GSE1: variants seen among roughly 807,000 people sequenced by gnomAD.
GSE1 encodes Gse1 coiled-coil protein.
Under a neutral mutation model 112.6 loss-of-function variants are expected in GSE1, and 32 were observed. The observed-to-expected ratio is 0.28, with a 90% CI of 0.21 to 0.38. The LOEUF (loss-of-function observed/expected upper bound fraction) is 0.38, where lower values mean the gene tolerates loss of function less well. Ranked by LOEUF, GSE1 falls within the 10% of genes least tolerant of loss-of-function variation. The pLI, the probability that GSE1 is intolerant of heterozygous loss-of-function variation, is 1.00. For missense variants in GSE1, 2,348 were observed against 1,699.2 expected (o/e 1.38, Z -6.71); for synonymous variants, 1,115 against 735.6 (o/e 1.52, Z -8.35).
chr16:85,519,916 T>G lies in GSE1; in HGVS notation c.2465-113998T>G, dbSNP rs572482639. 7.6e-4 allele frequency among the ~76,000 whole-genome samples: 115 copies of G among 152,302 alleles called. 1 individual carries two copies. The highest frequency in any genetic ancestry group is 2.5e-3 in the African/African-American group (106 of 41,582). On this transcript the variant is annotated intron_variant, in intron 2 of 2. Transcript: ENST00000637419. ...GGGGGTAAGGAGAAGGAAGGCACCT[T>G]TCTCTCATGCCCTCTATACTTGGGA... is the stretch of plus-strand genomic sequence containing the variant.
intron 2 of GSE1, among the ~76,000 whole-genome samples, chr16:85,363,389 G>T (rs2047123148): frequency 6.6e-6 from 1 of 152,202 alleles, no homozygotes; most frequent in African/African-American, 2.4e-5. Flanking sequence ...GAGATCCCTT[G>T]TTCTCAGCAG....
chr16:85,517,632 G>A (rs961023431), intron 2 of GSE1, among the ~76,000 whole-genome samples: 3 of 151,950 alleles, frequency 2.0e-5, no homozygotes, highest in African/African-American at 4.8e-5. Flanking sequence ...CTCAGCATTC[G>A]CCACCACCTC....
At chr16:85,369,956 G>T (rs983307277) in intron 2 of GSE1, among the ~76,000 whole-genome samples, 2 of 152,226 alleles carry the variant, frequency 1.3e-5, no homozygotes, top group Non-Finnish European at 2.9e-5. Context: ...CCCCGGGTCA[G>T]TCCCCTCCTT....
intron 2 of GSE1, among the ~76,000 whole-genome samples, chr16:85,468,975 C>T (rs1354568284): frequency 6.6e-6 from 1 of 152,174 alleles, no homozygotes; most frequent in Non-Finnish European, 1.5e-5. Context: ...GGGCCAGAGG[C>T]TGGGCGTGGT....
At chr16:85,386,630 C>G (rs1409936094) in intron 2 of GSE1, among the ~76,000 whole-genome samples, 6 of 152,212 alleles carry the variant, frequency 3.9e-5, no homozygotes, top group Non-Finnish European at 8.8e-5. Context: ...GCTAAACCCT[C>G]TCTGGGCCTC....
intron 3 of GSE1, among the ~76,000 whole-genome samples, chr16:85,649,812 C>T (rs953381413): frequency 6.6e-6 from 1 of 152,132 alleles, no homozygotes; most frequent in African/African-American, 2.4e-5. Flanking sequence ...GCCTGAAGCT[C>T]CCTCTCCCCC....
intron 2 of GSE1, among the ~76,000 whole-genome samples, chr16:85,519,168 G>A (rs983572242): frequency 1.7e-4 from 25 of 148,050 alleles, no homozygotes; most frequent in African/African-American, 5.7e-4. Context: ...TAGGTTCTAG[G>A]TATTTGTAAA....
intron 2 of GSE1, among the ~76,000 whole-genome samples, chr16:85,375,738 C>CT (rs765495620): frequency 4.7e-5 from 3 of 64,480 alleles, no homozygotes; most frequent in African/African-American, 1.5e-4. Context: ...CCACACAGGC[C>CT]TGCCTGTCTC....
chr16:85,460,811 G>A (rs1443166125), intron 2 of GSE1, among the ~76,000 whole-genome samples: 15 of 151,230 alleles, frequency 9.9e-5, no homozygotes, highest in Non-Finnish European at 2.1e-4. Context: ...AGAAGGAGCT[G>A]AGGAAGCCAG....
At chr16:85,429,979 G>A (rs1179726328) in intron 2 of GSE1, among the ~76,000 whole-genome samples, 1 of 152,226 alleles carries the variant, frequency 6.6e-6, no homozygotes, top group Admixed American at 6.5e-5. Flanking sequence ...GCATTCTGCG[G>A]GGGCTCGGTA....
chr16:85,639,264 G>A (rs934519316), intron 2 of GSE1, among the ~76,000 whole-genome samples: 1 of 152,220 alleles, frequency 6.6e-6, no homozygotes, highest in Non-Finnish European at 1.5e-5. Flanking sequence ...TCCTCGGGTG[G>A]CACCGGGTCC....
At chr16:85,637,141 CT>C (rs1457154202) in intron 2 of GSE1, among the ~76,000 whole-genome samples, 1 of 152,252 alleles carries the variant, frequency 6.6e-6, no homozygotes, top group Non-Finnish European at 1.5e-5. Context: ...TGGGTCACCC[CT>C]AAGAGAACCT....
chr16:85,254,019 C>A (rs891793649), intron 1 of GSE1, among the ~76,000 whole-genome samples: 40 of 152,178 alleles, frequency 2.6e-4, no homozygotes, highest in Non-Finnish European at 3.4e-4. Context: ...AAAATAGAGG[C>A]CGAATTCCCA....
chr16:85,650,329 A>G (rs758463552), intron 3 of GSE1, among the ~76,000 whole-genome samples: 4 of 152,012 alleles, frequency 2.6e-5, no homozygotes, highest in Admixed American at 1.3e-4. Flanking sequence ...CCCGACTCAA[A>G]CAGCTGAGGC....
At chr16:85,263,209 A>G (rs925727949) in intron 1 of GSE1, among the ~76,000 whole-genome samples, 25 of 152,154 alleles carry the variant, frequency 1.6e-4, no homozygotes, top group African/African-American at 6.0e-4. Context: ...TGAGATCATC[A>G]TCATCATGAT....
intron 1 of GSE1, among the ~76,000 whole-genome samples, chr16:85,193,194 C>CT (rs1358304968): frequency 2.0e-5 from 3 of 152,332 alleles, no homozygotes; most frequent in South Asian, 2.1e-4. Flanking sequence ...CACATTCCCT[C>CT]TATTTCTCCA....
intron 2 of GSE1, among the ~76,000 whole-genome samples, chr16:85,438,154 G>A (rs1198870161): frequency 6.6e-6 from 1 of 152,150 alleles, no homozygotes; most frequent in Non-Finnish European, 1.5e-5. Flanking sequence ...TGCCTCCCCC[G>A]TCAGTCTGTG....
chr16:85,266,430 C>T (rs907973794), intron 1 of GSE1, among the ~76,000 whole-genome samples: 3 of 152,134 alleles, frequency 2.0e-5, no homozygotes, highest in African/African-American at 7.2e-5. Context: ...GGGATGGCAC[C>T]GTCTGCCAGG....
At chr16:85,208,813 C>T (rs1445407421) in intron 1 of GSE1, among the ~76,000 whole-genome samples, 1 of 106,952 alleles carries the variant, frequency 9.3e-6, no homozygotes, top group Non-Finnish European at 2.2e-5. Context: ...TTGGGGTTTG[C>T]CACGTGTTGG....
Sources: allele counts gnomAD v4.1 joint callset (sites outside exome capture counted in the v4.1 genomes callset), GRCh38; gene constraint gnomAD v4.1.1; transcripts MANE v1.5; gene names NCBI Gene and HGNC (gene_info 2026-07-23, HGNC 2026-07-21).